SYMPK: variants seen among roughly 807,000 people sequenced by gnomAD.
SYMPK encodes the protein symplekin.
In SYMPK, 49 loss-of-function variants were observed where a neutral mutation model predicts 136.4. The observed-to-expected ratio is 0.36, with a 90% CI of 0.29 to 0.46. The LOEUF (loss-of-function observed/expected upper bound fraction) is 0.46. Ranked by LOEUF, SYMPK falls within the 20% of genes least tolerant of loss-of-function variation. The probability of loss-of-function intolerance (pLI) is 1.00; values close to 1 mark genes in which losing one functional copy is unlikely to be tolerated. For missense variants in SYMPK, 1,365 were observed against 1,690.0 expected (o/e 0.81, Z 3.37); for synonymous variants, 766 against 713.0 (o/e 1.07, Z -1.19).
At chr19:45,828,635 G>A (rs549729854) in intron 14 of SYMPK, 1 of 336,970 alleles carries the variant, frequency 3.0e-6, no homozygotes, top group Admixed American at 4.5e-5. Context: ...AGTGAATGGG[G>A]TGTAGAGAAG....
intron 25 of SYMPK, 66 bp downstream of exon 25, chr19:45,816,416 C>A (rs1970738628): frequency 3.9e-6 from 6 of 1,545,836 alleles, no homozygotes; most frequent in South Asian, 3.5e-5. Context: ...CCATGGTGAG[C>A]CTTGCTGGCT....
intron 16 of SYMPK, 60 bp from the exon 17 acceptor site, chr19:45,826,433 TC>T: frequency 3.2e-6 from 5 of 1,572,838 alleles, no homozygotes; most frequent in Non-Finnish European, 4.4e-6. Context: ...GAACAGCTAT[TC>T]CTGCGAGCAT....
intron 3 of SYMPK, 84 bp downstream of exon 3, chr19:45,854,090 AC>A: frequency 3.1e-6 from 4 of 1,270,252 alleles, no homozygotes; most frequent in Non-Finnish European, 4.6e-6. Context: ...AAATGTGGAC[AC>A]TGGTGTTACT....
chr19:45,852,039 G>A (rs1971707348), intron 5 of SYMPK, among the ~76,000 whole-genome samples: 1 of 152,260 alleles, frequency 6.6e-6, no homozygotes, highest in African/African-American at 2.4e-5. Context: ...GGAAGTGATT[G>A]ACAAACGGTC....
rs138091080 is a variant in SYMPK, at chr19:45,830,091, C to T, written c.1712G>A (p.Arg571Gln). 2.5e-3 allele frequency: 3,961 copies of T among 1,565,278 alleles called. 191 individuals carry two copies. The Admixed American group carries it at 0.07, about 28-fold the overall frequency. Reference sequence around the variant, plus strand: ...GCTGCAGGCCACAGCCTTCTCAGCCCGCAGGATCCGCTTCACAGCGCCCAG... The same window carrying T: ...GCTGCAGGCCACAGCCTTCTCAGCCTGCAGGATCCGCTTCACAGCGCCCAG... ...MKLGAVKRIL[R>Q]AEKAVACSGA... Residue 571 changes from arginine (R) to glutamine (Q), a missense_variant, in exon 13 of 27, where the codon CGG becomes CAG. Transcript: ENST00000245934.
intron 1 of SYMPK, among the ~76,000 whole-genome samples, chr19:45,858,522 CT>C (rs968822252): frequency 1.2e-3 from 186 of 149,334 alleles, no homozygotes; most frequent in African/African-American, 4.4e-3. Context: ...GACTATGTTT[CT>C]TTTTTTTTTG....
intron 3 of SYMPK, 115 bp from the exon 4 acceptor site, chr19:45,852,650 A>T (rs1971725116): frequency 1.6e-6 from 2 of 1,261,636 alleles, no homozygotes; most frequent in African/African-American, 2.9e-5. Flanking sequence ...AGATACACTC[A>T]TTTCAATGCC....
In SYMPK at chr19:45,826,258, G is replaced by A. The variant is rs777424373; in HGVS notation, c.2297C>T (p.Pro766Leu). 4.3e-6 allele frequency: 7 copies of A among 1,613,140 alleles called. No individual in the cohort carries two copies. Among genetic ancestry groups the A allele is most frequent in the East Asian group, 2.2e-5 (1 of 44,878 alleles). The change falls in exon 17 of 27, where the codon CCG becomes CTG. Residue 766 changes from proline (P) to leucine (L), a missense_variant. This residue lies in a region of SYMPK where 92 missense variants were observed against 198.6 expected (regional missense o/e 0.46). Transcript: ENST00000245934. ...CTTGTCAGCTCCAAACAGCACAGAC[G>A]GTGGGTTGGGGTGCACCAGGAGCTG... ...YLQLLVHPNP[P>L]SVLFGADKDT... is the part of the protein sequence containing the mutation.
chr19:45,854,821 C>T (rs1214932181), intron 1 of SYMPK: 1 of 367,550 alleles, frequency 2.7e-6, no homozygotes, highest in Non-Finnish European at 5.2e-6. Flanking sequence ...TGCAGGTCTC[C>T]GTGTGTCCCC....
Position 45,829,142 on chromosome 19 carries a change from G to C in SYMPK, c.1813C>G (p.Leu605Val), listed in dbSNP as rs763413063. 1 of 1,614,222 alleles carries C rather than the reference G, an allele frequency of 6.2e-7. No homozygotes were observed. The highest frequency in any genetic ancestry group is 1.1e-5 in the South Asian group (1 of 91,084). ...QFNSGLKAEV[L>V]SFILEDVRAR... ...CGCACATCCTCCAGGATGAAGGACAGGACCTCCGCCTTCAGGCCCGAGTTG... is the reference window on the plus strand; with the variant it reads ...CGCACATCCTCCAGGATGAAGGACACGACCTCCGCCTTCAGGCCCGAGTTG... The change falls in exon 14 of 27, where the codon CTG becomes GTG. Residue 605 changes from leucine to valine, a missense_variant. By Grantham distance (32) the Leu-to-Val change is conservative. Around this residue, in one of 11 missense-constraint regions of SYMPK, gnomAD observed 303 missense variants for 326.6 expected, o/e 0.93. Coordinates refer to ENST00000245934, the MANE Select transcript of SYMPK (RefSeq NM_004819.3).
intron 5 of SYMPK, among the ~76,000 whole-genome samples, chr19:45,851,734 T>TGTG (rs763562790): frequency 3.9e-5 from 6 of 151,918 alleles, no homozygotes; most frequent in East Asian, 3.9e-4. Context: ...ATAAGCCGGA[T>TGTG]GTGGTGGCGC....
At chr19:45,856,915 G>C (rs1310871731) in intron 1 of SYMPK, among the ~76,000 whole-genome samples, 2 of 151,832 alleles carry the variant, frequency 1.3e-5, no homozygotes, top group East Asian at 1.9e-4. Context: ...TCAGGAGTTC[G>C]AGACCAGACT....
At chr19:45,838,025 T>C (rs1169426015) in intron 10 of SYMPK, among the ~76,000 whole-genome samples, 1 of 152,086 alleles carries the variant, frequency 6.6e-6, no homozygotes. Context: ...CCGAATCTCA[T>C]GTTGAATTAC....
chr19:45,824,080 T>TG, intron 18 of SYMPK: 1 of 512,650 alleles, frequency 2.0e-6, no homozygotes, highest in Non-Finnish European at 3.5e-6. Context: ...GACATGGGCC[T>TG]GCTCCAGCTC....
rs756366215 is a variant in SYMPK, at chr19:45,823,889, CAG to C, written c.2491-16_2491-15del. 1 of 1,608,352 alleles carries C rather than the reference CAG, an allele frequency of 6.2e-7. No individual in the cohort carries two copies. The highest frequency in any genetic ancestry group is 8.5e-7 in the Non-Finnish European group (1 of 1,175,488). On this transcript the variant is annotated splice_polypyrimidine_tract_variant and intron_variant, in intron 18 of 26. Transcript: ENST00000245934. The stretch of plus-strand genomic sequence containing the variant: ...CATTCCTCGGATCTAGAGGCAGAGA[CAG>C]GGATGACCAGACCCAGGGTGAGAGC...
At position 45,829,327 on chromosome 19, in the gene SYMPK, AG is replaced by A; in HGVS notation, c.1750-123del. ...CTCAGAGCAGACAAGGAGTGAAGCG[AG>A]GAAGGCCAGCCGAGGACCCTTATGC... On this transcript the variant is annotated intron_variant, in intron 13 of 26. Coordinates refer to ENST00000245934, the MANE Select transcript of SYMPK (RefSeq NM_004819.3). 6.1e-6 allele frequency: 5 copies of A among 821,300 alleles called. No homozygotes were observed. In the South Asian group the frequency reaches 6.7e-5, roughly 11 times the overall value. The allele number at this position is 821,300 out of a possible 1,614,324, so 50.9% of individuals were successfully genotyped here.
intron 11 of SYMPK, among the ~76,000 whole-genome samples, chr19:45,834,513 T>G (rs1342520743): frequency 2.7e-5 from 3 of 111,892 alleles, no homozygotes; most frequent in Non-Finnish European, 2.0e-5. Context: ...TGAGCTATGT[T>G]TAGCTCATTA....
rs749650196 is a variant in SYMPK, at chr19:45,822,776, C to A, written c.2771G>T (p.Arg924Leu). Residue 924 changes from arginine to leucine, a missense_variant, in exon 21 of 27, where the codon CGC (arginine) becomes CTC (leucine). This residue lies in a region of SYMPK where 156 missense variants were observed against 217.8 expected (regional missense o/e 0.72). Coordinates refer to ENST00000245934, the MANE Select transcript of SYMPK (RefSeq NM_004819.3). ...NPIVVKEVFN[R>L]LLGTQHGEGN... ...CCTACCATGCTGGGTGCCCAGCAGG[C>A]GGTTGAAGACTTCCTTCACCACGAT... 6.2e-7 allele frequency: 1 copy of A among 1,613,878 alleles called. No homozygotes were observed. The highest frequency in any genetic ancestry group is 1.1e-5 in the South Asian group (1 of 91,084).
intron 10 of SYMPK, among the ~76,000 whole-genome samples, chr19:45,836,737 T>C (rs1971310506): frequency 6.6e-6 from 1 of 152,096 alleles, no homozygotes; most frequent in Non-Finnish European, 1.5e-5. Context: ...TTCCTGGGCT[T>C]AAGCAATCCT....
Sources: allele counts gnomAD v4.1 joint callset (sites outside exome capture counted in the v4.1 genomes callset), GRCh38; gene constraint gnomAD v4.1.1; regional missense constraint gnomAD v4.1.1; transcripts MANE v1.5; gene names NCBI Gene and HGNC (gene_info 2026-07-23, HGNC 2026-07-21).